BFSP2: variants seen among roughly 807,000 people sequenced by gnomAD.
The protein encoded by BFSP2 is phakinin.
A neutral mutation model predicts 44.9 loss-of-function variants in BFSP2; 38 were observed. The ratio of observed to expected loss-of-function variants is 0.85; its 90% CI spans 0.65 to 1.11. The LOEUF (loss-of-function observed/expected upper bound fraction) is 1.11. Among genes scored for constraint, BFSP2 ranks in the 50% least tolerant of loss-of-function variants. BFSP2 has a pLI of 0.00. For synonymous variants in BFSP2, 197 were observed against 209.9 expected, an observed-to-expected ratio of 0.94 and a Z score of 0.53; for missense variants, 525 against 533.0, an observed-to-expected ratio of 0.99 and a Z score of 0.15.
chr3:133,456,384 C>T (rs150730865), intron 4 of BFSP2, among the ~76,000 whole-genome samples: 58 of 152,314 alleles, frequency 3.8e-4, no homozygotes, highest in Middle Eastern at 3.4e-3. Context: ...GCCGGGCCAT[C>T]TAACTGAAAT....
intron 1 of BFSP2, among the ~76,000 whole-genome samples, chr3:133,443,312 T>C (rs2073863445): frequency 6.6e-6 from 1 of 152,094 alleles, no homozygotes; most frequent in Non-Finnish European, 1.5e-5. Flanking sequence ...CATTAGCACA[T>C]ACAATGCCAT....
At chr3:133,439,865 G>T (rs182279056) in intron 1 of BFSP2, among the ~76,000 whole-genome samples, 411 of 152,206 alleles carry the variant, frequency 2.7e-3, no homozygotes, top group African/African-American at 9.3e-3. Context: ...GTTCCAATCT[G>T]CATCTGAGTA....
chr3:133,448,994 A>C, intron 3 of BFSP2: 8 of 266,542 alleles, frequency 3.0e-5, no homozygotes, highest in Non-Finnish European at 2.9e-5. Flanking sequence ...ATACAAACAA[A>C]ACAACTCTGA....
chr3:133,408,405 G>A (rs1419134751), intron 1 of BFSP2, among the ~76,000 whole-genome samples: 1 of 152,188 alleles, frequency 6.6e-6, no homozygotes. Context: ...ATACAGTGTT[G>A]ATGGGAATAG....
intron 3 of BFSP2, among the ~76,000 whole-genome samples, chr3:133,449,894 AGAAG>A (rs532666527): frequency 1.3e-5 from 2 of 151,456 alleles, no homozygotes; most frequent in African/African-American, 4.9e-5. Flanking sequence ...GTCAAAAAAA[AGAAG>A]GAAGGAAGGA....
At chr3:133,458,906 G>C (rs2074037123) in intron 4 of BFSP2, among the ~76,000 whole-genome samples, 1 of 152,106 alleles carries the variant, frequency 6.6e-6, no homozygotes, top group Non-Finnish European at 1.5e-5. Context: ...GTTTGTCAAG[G>C]ACAAACCAGG....
intron 4 of BFSP2, among the ~76,000 whole-genome samples, chr3:133,465,632 A>G (rs2074102295): frequency 6.6e-6 from 1 of 152,206 alleles, no homozygotes; most frequent in Non-Finnish European, 1.5e-5. Context: ...TCTGGGTCAC[A>G]GTTGTGACTA....
At chr3:133,404,732 C>G (rs1291154404) in intron 1 of BFSP2, 1 of 152,182 alleles carries the variant, frequency 6.6e-6, no homozygotes, top group Non-Finnish European at 1.5e-5. Context: ...TGTTCCTGCT[C>G]TTTGAACATG....
Position 133,450,410 on chromosome 3 carries a change from G to A in BFSP2, c.837G>A (p.Trp279Ter), listed in dbSNP as rs1213595999. 8 of 1,614,126 alleles carry A rather than the reference G, an allele frequency of 5.0e-6. No individual in the cohort carries two copies. In the South Asian group the frequency reaches 8.8e-5, roughly 18 times the overall value. Reference sequence around the variant, plus strand: ...TCCTTGAGACGATCAGAATTCAGTGGGAGAGAGATGTTGAAAAGAACCGGG... The same window carrying A: ...TCCTTGAGACGATCAGAATTCAGTGAGAGAGAGATGTTGAAAAGAACCGGG... ...DDILETIRIQWERDVEKNRVE... is the reference protein window; with the variant it reads ...DDILETIRIQ The change falls in exon 4 of 7, where the codon TGG becomes TGA. Residue 279 changes from tryptophan to a stop codon, truncating the protein, a stop_gained. Transcript: ENST00000302334. LOFTEE classifies it high-confidence loss of function.
intron 1 of BFSP2, among the ~76,000 whole-genome samples, chr3:133,415,351 T>TCTCCTCACCCCTGCCCTCTCTCCC (rs2073510919): frequency 1.5e-4 from 4 of 26,006 alleles, no homozygotes; most frequent in East Asian, 3.1e-3. Flanking sequence ...TCCTCTCCCC[T>TCTCCTCACCCCTGCCCTCTCTCCC]CTACTCACCC....
intron 6 of BFSP2, among the ~76,000 whole-genome samples, chr3:133,473,901 GGCTTGCAGTGGACT>G (rs1006763722): frequency 6.6e-5 from 10 of 152,192 alleles, no homozygotes; most frequent in Non-Finnish European, 1.2e-4. Context: ...GACATTTTGA[GGCTTGCAGTGGACT>G]GTCCCTTATA....
rs778553405 is a variant in BFSP2, at chr3:133,472,560, G to A, written c.1239G>A (p.Glu413=). ...ACCACGCCCTGCTGGACAGGGAGGA[G>A]AGCGGGTAAGCCTCGCTTCCGCGTC... ...ASYHALLDRE[E]SG Residue 413 remains glutamate (E), a synonymous_variant, in exon 6 of 7, where the codon GAG becomes GAA. Coordinates refer to ENST00000302334, the MANE Select transcript of BFSP2 (RefSeq NM_003571.4). 19 of 1,611,800 alleles carry A rather than the reference G, an allele frequency of 1.2e-5. No homozygotes were observed. The highest frequency in any genetic ancestry group is 1.4e-5 in the Non-Finnish European group (17 of 1,179,830).
intron 4 of BFSP2, among the ~76,000 whole-genome samples, chr3:133,461,227 C>G (rs909801357): frequency 6.6e-6 from 1 of 152,200 alleles, no homozygotes; most frequent in Non-Finnish European, 1.5e-5. Context: ...GAGTCAGGCT[C>G]TCAAATACTT....
chr3:133,419,938 C>G (rs2073577396), intron 1 of BFSP2, among the ~76,000 whole-genome samples: 1 of 152,240 alleles, frequency 6.6e-6, no homozygotes, highest in Non-Finnish European at 1.5e-5. Context: ...GAGGTGAGCA[C>G]CTGCTCGGGT....
chr3:133,451,110 C>CAAAAAAA (rs55964213), intron 4 of BFSP2, among the ~76,000 whole-genome samples: 1 of 95,068 alleles, frequency 1.1e-5, no homozygotes, highest in Admixed American at 1.3e-4. Flanking sequence ...GACTCTGTCT[C>CAAAAAAA]AAAAAAAAAA....
At chr3:133,435,755 T>G (rs114275060) in intron 1 of BFSP2, among the ~76,000 whole-genome samples, 3,025 of 152,344 alleles carry the variant, frequency 0.02, 94 homozygotes, top group African/African-American at 0.067. Flanking sequence ...GCAAATTGTC[T>G]GCTGCTATGG....
chr3:133,471,226 C>G (rs867536746), intron 5 of BFSP2, among the ~76,000 whole-genome samples: 1 of 152,056 alleles, frequency 6.6e-6, no homozygotes, highest in African/African-American at 2.4e-5. Context: ...AGAGGAGGAA[C>G]TAGAGGTGGG....
At chr3:133,440,481 A>G (rs1559971215) in intron 1 of BFSP2, among the ~76,000 whole-genome samples, 1 of 152,296 alleles carries the variant, frequency 6.6e-6, no homozygotes, top group East Asian at 1.9e-4. Context: ...TCTGACATAA[A>G]CAACCAGGAC....
intron 1 of BFSP2, chr3:133,429,486 G>A (rs1040971834): frequency 6.6e-6 from 1 of 152,218 alleles, no homozygotes; most frequent in South Asian, 2.1e-4. Context: ...CTGATTGGAT[G>A]AGAATACCCA....
Sources: allele counts gnomAD v4.1 joint callset (sites outside exome capture counted in the v4.1 genomes callset), GRCh38; gene constraint gnomAD v4.1.1; transcripts MANE v1.5; gene names NCBI Gene and HGNC (gene_info 2026-07-23, HGNC 2026-07-21).